The following WWP2 variants were observed in gnomAD, a reference collection of about 807,000 sequenced individuals.
The protein encoded by WWP2 is WW domain containing E3 ubiquitin protein ligase 2.
In WWP2, 57 loss-of-function variants were observed where a neutral mutation model predicts 121.0. The ratio of observed to expected loss-of-function variants is 0.47; its 90% CI spans 0.38 to 0.59. The LOEUF (loss-of-function observed/expected upper bound fraction) is 0.59, where lower values mean the gene tolerates loss of function less well. WWP2 is among the 20% of genes least tolerant of loss of function. The pLI is 0.00. For synonymous variants in WWP2, 449 were observed against 441.3 expected, an observed-to-expected ratio of 1.02 and a Z score of -0.22; for missense variants, 962 against 1,158.9, an observed-to-expected ratio of 0.83 and a Z score of 2.47.
rs1416798576 is a variant in WWP2 at position 69,917,806 on chromosome 16, A to G, written c.1102A>G (p.Asn368Asp). The G allele has an allele frequency of 1.2e-6, 2 of 1,614,108 alleles. No homozygotes were observed. The highest frequency in any genetic ancestry group is 1.7e-6 in the Non-Finnish European group (2 of 1,179,922). ...GCGTCCGACCGCGGAGTACGTGCGC[A>G]ACTATGAGCAGTGGCAGTCGCAGCG... ...WQRPTAEYVR[N>D]YEQWQSQRNQ... The change falls in exon 10 of 24, where the codon AAC becomes GAC. Residue 368 changes from asparagine to aspartate, a missense_variant. This residue lies in a region of WWP2 where 606 missense variants were observed against 772.6 expected (regional missense o/e 0.78). Coordinates refer to ENST00000359154, the MANE Select transcript of WWP2 (RefSeq NM_001270454.2).
Position 69,778,192 on chromosome 16 carries a change from A to ATTTT in WWP2, c.-15-8794_-15-8791dup, listed in dbSNP as rs57651000. ...TAAATAAATATATATATATATATAT[A>ATTTT]TTTTTTTTTTTTTGAGAAATTTCAA... is the stretch of plus-strand genomic sequence containing the variant. On this transcript the variant is annotated intron_variant, in intron 1 of 23. Coordinates refer to ENST00000359154, the MANE Select transcript of WWP2 (RefSeq NM_001270454.2). 2.8e-3 allele frequency among the ~76,000 whole-genome samples: 349 copies of ATTTT among 125,618 alleles called. 3 individuals carry two copies. Among genetic ancestry groups the ATTTT allele is most frequent in the African/African-American group, 8.0e-3 (251 of 31,536 alleles). 82.4% of individuals were successfully genotyped at this position (125,618 alleles called of 152,430 possible).
At chr16:69,869,354 T>G (rs947748398) in intron 6 of WWP2, among the ~76,000 whole-genome samples, 2 of 152,060 alleles carry the variant, frequency 1.3e-5, no homozygotes, top group African/African-American at 4.8e-5. Flanking sequence ...TTCTCCTTTT[T>G]TTTTTTTGTT....
At chr16:69,911,252 T>A (rs1385585015) in intron 9 of WWP2, among the ~76,000 whole-genome samples, 1 of 152,168 alleles carries the variant, frequency 6.6e-6, no homozygotes, top group African/African-American at 2.4e-5. Flanking sequence ...CCGGGAGCAA[T>A]AAGTATTGGA....
intron 1 of WWP2, among the ~76,000 whole-genome samples, chr16:69,768,018 T>C (rs1031761815): frequency 1.3e-5 from 2 of 152,070 alleles, no homozygotes; most frequent in African/African-American, 2.4e-5. Context: ...TTAACTTTTT[T>C]GTAGAGATGG....
chr16:69,762,608 G>C (rs1255300014), intron 1 of WWP2, among the ~76,000 whole-genome samples: 1 of 151,564 alleles, frequency 6.6e-6, no homozygotes, highest in Non-Finnish European at 1.5e-5. Flanking sequence ...GCCCGCGCGG[G>C]GGTTGCTCCG....
chr16:69,801,045 C>G (rs1027529787), intron 4 of WWP2, among the ~76,000 whole-genome samples: 4 of 148,228 alleles, frequency 2.7e-5, no homozygotes, highest in Admixed American at 1.3e-4. Flanking sequence ...AACAATTACC[C>G]AGGGATGGTG....
chr16:69,765,923 A>G (rs1192333099), intron 1 of WWP2, among the ~76,000 whole-genome samples: 3 of 152,004 alleles, frequency 2.0e-5, no homozygotes, highest in African/African-American at 7.3e-5. Flanking sequence ...TCAGCCTCCG[A>G]AAGTGCTGAG....
chr16:69,879,804 C>A (rs1469507588), intron 7 of WWP2, among the ~76,000 whole-genome samples: 1 of 152,122 alleles, frequency 6.6e-6, no homozygotes, highest in African/African-American at 2.4e-5. Context: ...ACGTGTGTAG[C>A]TGCAAATTTT....
At chr16:69,762,594 C>A (rs868107266) in intron 1 of WWP2, among the ~76,000 whole-genome samples, 3 of 151,200 alleles carry the variant, frequency 2.0e-5, no homozygotes, top group Admixed American at 6.6e-5. Context: ...GTGGGCGCGC[C>A]GCGGCCCGCG....
chr16:69,888,709 C>CT (rs112484554), intron 8 of WWP2, among the ~76,000 whole-genome samples: 1,866 of 144,620 alleles, frequency 0.013, 30 homozygotes, highest in African/African-American at 0.035. Context: ...TCTTGCCATC[C>CT]TTTTTTTTTT....
intron 4 of WWP2, among the ~76,000 whole-genome samples, chr16:69,809,760 C>T (rs1466524135): frequency 6.7e-6 from 1 of 149,872 alleles, no homozygotes; most frequent in Non-Finnish European, 1.5e-5. Context: ...AAGAGTGAAA[C>T]TCCGTCAGAA....
At chr16:69,831,311 G>A (rs545151695) in intron 4 of WWP2, among the ~76,000 whole-genome samples, 2 of 152,220 alleles carry the variant, frequency 1.3e-5, no homozygotes, top group African/African-American at 4.8e-5. Context: ...GGTATGGGGT[G>A]GGGAGGGACA....
At chr16:69,774,848 T>A (rs947693482) in intron 1 of WWP2, 2 of 151,720 alleles carry the variant, frequency 1.3e-5, no homozygotes, top group Admixed American at 1.3e-4. Flanking sequence ...CATGTACCTG[T>A]AACCCTAGCT....
At position 69,930,354 on chromosome 16, in the gene WWP2, G is replaced by A. The variant is rs2058694534; in HGVS notation, c.1445+96G>A. 5 of 1,553,110 alleles carry A rather than the reference G, an allele frequency of 3.2e-6. No individual in the cohort carries two copies. In the Admixed American group the frequency reaches 7.7e-5, roughly 24 times the overall value. The stretch of plus-strand genomic sequence containing the variant: ...AGGCCCACTTTGGGTGGCCCCTGTG[G>A]TGCGTTCTACTGCCCTTACTGCCCT... On this transcript the variant is annotated intron_variant, in intron 13 of 23. Coordinates refer to ENST00000359154, the MANE Select transcript of WWP2 (RefSeq NM_001270454.2).
chr16:69,784,865 G>GTGAGC (rs2055748487), intron 1 of WWP2, among the ~76,000 whole-genome samples: 1 of 151,720 alleles, frequency 6.6e-6, no homozygotes, highest in African/African-American at 2.4e-5. Context: ...AACGAATGAA[G>GTGAGC]TGAGCCCGAC....
intron 7 of WWP2, among the ~76,000 whole-genome samples, chr16:69,883,467 C>T (rs1392307115): frequency 1.3e-5 from 2 of 151,974 alleles, no homozygotes; most frequent in South Asian, 2.1e-4. Context: ...GAAGGGTACT[C>T]GTGAGTATTC....
chr16:69,898,225 G>T (rs757733286), intron 8 of WWP2, among the ~76,000 whole-genome samples: 2 of 151,678 alleles, frequency 1.3e-5, no homozygotes, highest in Non-Finnish European at 1.5e-5. Flanking sequence ...ACAGGGTTTC[G>T]CCATGTTAGC....
chr16:69,923,896 A>ATC (rs2151980160), intron 10 of WWP2, among the ~76,000 whole-genome samples: 1 of 152,106 alleles, frequency 6.6e-6, no homozygotes, highest in East Asian at 1.9e-4. Flanking sequence ...GCTGTACCCT[A>ATC]TCTCCCCCAA....
At chr16:69,866,170 G>A (rs1443736285) in intron 6 of WWP2, among the ~76,000 whole-genome samples, 2 of 152,108 alleles carry the variant, frequency 1.3e-5, no homozygotes, top group African/African-American at 4.8e-5. Context: ...TCTCAGTATT[G>A]TGGACTGTCC....
Sources: gnomAD v4.1 joint callset for allele counts (sites outside exome capture counted in the v4.1 genomes callset) on GRCh38, gnomAD v4.1.1 for gene constraint, gnomAD v4.1.1 regional missense constraint, MANE v1.5 for transcripts, NCBI Gene and HGNC (gene_info 2026-07-23, HGNC 2026-07-21) for gene names.